CC2D1B: variants seen among roughly 807,000 people sequenced by gnomAD.
CC2D1B encodes the protein coiled-coil and C2 domain-containing protein 1B.
CC2D1B carries 92 observed loss-of-function variants against 110.8 expected under a neutral mutation model. The observed-to-expected ratio is 0.83, with a 90% CI of 0.70 to 0.99. The LOEUF (loss-of-function observed/expected upper bound fraction) is 0.99. Ranked by LOEUF, CC2D1B falls within the 50% of genes least tolerant of loss-of-function variation. The probability of loss-of-function intolerance (pLI) is 0.00; values close to 1 mark genes in which losing one functional copy is unlikely to be tolerated. For missense variants in CC2D1B, 1,136 were observed against 1,089.0 expected (o/e 1.04, Z -0.61); for synonymous variants, 406 against 429.2 (o/e 0.95, Z 0.67).
At chr1:52,358,482 G>A (rs1646703640) in intron 12 of CC2D1B, 21 bp from the exon 13 acceptor site, 1 of 1,610,868 alleles carries the variant, frequency 6.2e-7, no homozygotes. Flanking sequence ...GAGACAGCAT[G>A]GGAGGGGCAG....
rs1646546916 is a variant in CC2D1B, at chr1:52,352,506, T to C, written c.*719A>G. On this transcript the variant is annotated 3_prime_UTR_variant, in exon 25 of 25. Coordinates refer to ENST00000284376, the MANE Select transcript of CC2D1B (RefSeq NM_001330585.2). ...TAAAATCCCTACAATGAGTTAGACTTAGTTTCCTAGATAAATAAACGTGTC... is the reference window on the plus strand; with the variant it reads ...TAAAATCCCTACAATGAGTTAGACTCAGTTTCCTAGATAAATAAACGTGTC... 6.6e-6 allele frequency: 1 copy of C among 152,650 alleles called. No homozygotes were observed. The highest frequency in any genetic ancestry group is 2.4e-5 in the African/African-American group (1 of 41,450). 9.5% of individuals were successfully genotyped at this position (152,650 alleles called of 1,614,324 possible). A position where few individuals can be genotyped will look rare whatever the true frequency, so the allele number is the denominator to read the frequency against.
rs757943207 is a variant in CC2D1B at position 52,351,048 on chromosome 1, G to C, written c.*2177C>G. 1 of 152,272 alleles carries C rather than the reference G, an allele frequency of 6.6e-6. No individual in the cohort carries two copies. The highest frequency in any genetic ancestry group is 6.5e-5 in the Admixed American group (1 of 15,282). The allele number at this position is 152,272 out of a possible 1,614,324, so 9.4% of individuals were successfully genotyped here. A position where few individuals can be genotyped will look rare whatever the true frequency, so the allele number is the denominator to read the frequency against. On this transcript the variant is annotated 3_prime_UTR_variant, in exon 25 of 25. Transcript: ENST00000284376. Reference sequence around the variant, plus strand: ...AGGCGTGAGCCACTGTGTCCCGCCTGTTTCCTGTATGTGGATAAATCTCAG... The same window carrying C: ...AGGCGTGAGCCACTGTGTCCCGCCTCTTTCCTGTATGTGGATAAATCTCAG...
At chr1:52,356,602 T>C in intron 16 of CC2D1B, 160 bp from the exon 17 acceptor site, 1 of 701,100 alleles carries the variant, frequency 1.4e-6, no homozygotes. Context: ...TCCCACCACG[T>C]TTCTCTGCCT....
At chr1:52,362,855 G>T in intron 2 of CC2D1B, 109 bp from the exon 3 acceptor site, 1 of 1,104,104 alleles carries the variant, frequency 9.1e-7, no homozygotes, top group South Asian at 1.5e-5. Context: ...CCTTCAGTCT[G>T]TGAGGCCCAA....
chr1:52,355,110 TG>T (rs374603660), intron 21 of CC2D1B, 171 bp from the exon 22 acceptor site: 1 of 642,906 alleles, frequency 1.6e-6, no homozygotes. Context: ...AGTGAGTTTT[TG>T]TACTCTTTTT....
rs1205124073 is a variant in CC2D1B, at chr1:52,355,437, T to C, written c.2200A>G (p.Lys734Glu). Residue 734 changes from lysine (K) to glutamate (E), a missense_variant, in exon 21 of 25, where the codon AAA becomes GAA. Transcript: ENST00000284376. The stretch of plus-strand genomic sequence containing the variant: ...TTCTTCACCACAGCTGTTTTGCTTT[T>C]TTGAGCCTGGTCCTAAGCAGTGAGG... ...FHYPNSDQAQ[K>E]SKTAVVKNTN... 1 of 1,614,126 alleles carries C rather than the reference T, an allele frequency of 6.2e-7. No homozygotes were observed. The highest frequency in any genetic ancestry group is 2.2e-5 in the East Asian group (1 of 44,874).
At chr1:52,354,320 C>G in intron 23 of CC2D1B, 1 of 615,706 alleles carries the variant, frequency 1.6e-6, no homozygotes, top group East Asian at 3.5e-5. Context: ...TCCTCTCGGA[C>G]CTGAGTTTCC....
rs1001482401 is a variant in CC2D1B at position 52,357,642 on chromosome 1, G to A, written c.1636C>T (p.Leu546=). 4.5e-5 allele frequency: 72 copies of A among 1,596,424 alleles called. No homozygotes were observed. Among genetic ancestry groups the A allele is most frequent in the Non-Finnish European group, 5.6e-5 (66 of 1,171,238 alleles). ...AGGTCCTGGCTGCGCTTGGCCTGCA[G>A]GGCTGCCCGCTGATACTGCAGTTTC... is the stretch of plus-strand genomic sequence containing the variant. ...ARKLQYQRAA[L]QAKRSQDLEQ... Residue 546 remains leucine (L), a synonymous_variant, in exon 15 of 25, where the codon CTG becomes TTG. Transcript: ENST00000284376.
chr1:52,358,113 A>G (rs1243901982), intron 13 of CC2D1B: 24 of 874,110 alleles, frequency 2.7e-5, no homozygotes, highest in Non-Finnish European at 4.1e-5. Flanking sequence ...ACTGCAGGGT[A>G]ATGGGGATGG....
At chr1:52,354,128 G>A (rs1427581082) in intron 23 of CC2D1B, among the ~76,000 whole-genome samples, 3 of 152,176 alleles carry the variant, frequency 2.0e-5, no homozygotes, top group East Asian at 3.9e-4. Context: ...ATAGGCCCAA[G>A]AAGTCCAACC....
intron 16 of CC2D1B, 151 bp from the exon 17 acceptor site, chr1:52,356,593 C>G: frequency 1.3e-6 from 1 of 750,864 alleles, no homozygotes; most frequent in South Asian, 1.7e-5. Flanking sequence ...ACTCCCAAGT[C>G]CCACCACGTT....
chr1:52,357,185 C>A, intron 15 of CC2D1B, 59 bp from the exon 16 acceptor site: 1 of 1,591,698 alleles, frequency 6.3e-7, no homozygotes, highest in Admixed American at 1.9e-5. Flanking sequence ...CTACCAAGTC[C>A]AACAAAGGCA....
chr1:52,361,499 C>T lies in CC2D1B; in HGVS notation c.318+14G>A. The T allele has an allele frequency of 1.2e-6, 2 of 1,613,690 alleles. No homozygotes were observed. The highest frequency in any genetic ancestry group is 1.7e-6 in the Non-Finnish European group (2 of 1,179,840). On this transcript the variant is annotated intron_variant, in intron 4 of 24. Coordinates refer to ENST00000284376, the MANE Select transcript of CC2D1B (RefSeq NM_001330585.2). ...TTGCCTCAGAGCCCTGGGATACCAG[C>T]CTGGCAGACACACCAGCAGCTCTGC...
intron 23 of CC2D1B, among the ~76,000 whole-genome samples, chr1:52,354,150 C>T (rs866680323): frequency 5.3e-5 from 8 of 152,204 alleles, no homozygotes; most frequent in Admixed American, 2.6e-4. Flanking sequence ...CCCTCAGTGG[C>T]TCCAATAGAG....
intron 10 of CC2D1B, 43 bp downstream of exon 10, chr1:52,359,207 T>C (rs1249428988): frequency 6.2e-7 from 1 of 1,610,500 alleles, no homozygotes. Flanking sequence ...TGCCCTCCAA[T>C]GCCTGCAGGT....
chr1:52,350,741 G>A lies in CC2D1B; in HGVS notation c.*2484C>T, dbSNP rs1312930625. On this transcript the variant is annotated 3_prime_UTR_variant, in exon 25 of 25. Transcript: ENST00000284376. ...GTGAGTCACTAATCTCCAATGTTTG[G>A]ATACTGTATTTGTGTTTGTTTTGAG... 1 of 152,134 alleles carries A rather than the reference G, an allele frequency of 6.6e-6. No individual in the cohort carries two copies. 9.4% of individuals were successfully genotyped at this position (152,134 alleles called of 1,614,324 possible).
At chr1:52,353,860 A>C in intron 23 of CC2D1B, 15 of 474,944 alleles carry the variant, frequency 3.2e-5, no homozygotes, top group East Asian at 7.3e-5. Flanking sequence ...TAATAAATAA[A>C]TCCAGACAAG....
In CC2D1B at chr1:52,354,858, A is replaced by G; in HGVS notation, c.2321T>C (p.Phe774Ser). 6.2e-7 allele frequency: 1 copy of G among 1,614,088 alleles called. No homozygotes were observed. The highest frequency in any genetic ancestry group is 8.5e-7 in the Non-Finnish European group (1 of 1,179,958). Residue 774 changes from phenylalanine to serine, a missense_variant, in exon 22 of 25, where the codon TTT (phenylalanine) becomes TCT (serine). By Grantham distance (155) the Phe-to-Ser change is radical. Coordinates refer to ENST00000284376, the MANE Select transcript of CC2D1B (RefSeq NM_001330585.2). ...KRVIQSKGIK[F>S]EIFHKGSFFR... ...GCCTCACCCTTTGTGGAAGATCTCA[A>G]ACTTGATGCCTTTGCTCTGGATCAC...
At chr1:52,357,479 G>A (rs1313047903) in intron 15 of CC2D1B, 47 bp downstream of exon 15, 18 of 1,529,976 alleles carry the variant, frequency 1.2e-5, no homozygotes, top group East Asian at 2.4e-5. Flanking sequence ...CCTGCCAGCC[G>A]CCACCTCCGC....
Sources: gnomAD v4.1 joint callset for allele counts (sites outside exome capture counted in the v4.1 genomes callset) on GRCh38, gnomAD v4.1.1 for gene constraint, MANE v1.5 for transcripts, NCBI Gene and HGNC (gene_info 2026-07-23, HGNC 2026-07-21) for gene names.